ARHGAP24: variants seen among roughly 807,000 people sequenced by gnomAD.
The protein encoded by ARHGAP24 is rho GTPase-activating protein 24.
A neutral mutation model predicts 76.4 loss-of-function variants in ARHGAP24; 50 were observed. That is an observed-to-expected ratio of 0.65 (90% confidence interval 0.52 to 0.83). The LOEUF (loss-of-function observed/expected upper bound fraction) is 0.83, where lower values mean the gene tolerates loss of function less well. ARHGAP24 is among the 40% of genes least tolerant of loss of function. The pLI is 0.00. For synonymous variants in ARHGAP24, 345 were observed against 323.3 expected, an observed-to-expected ratio of 1.07 and a Z score of -0.72; for missense variants, 930 against 914.2, an observed-to-expected ratio of 1.02 and a Z score of -0.22.
At chr4:85,515,093 A>G (rs1001806599) in intron 1 of ARHGAP24, among the ~76,000 whole-genome samples, 1 of 152,152 alleles carries the variant, frequency 6.6e-6, no homozygotes, top group Non-Finnish European at 1.5e-5. Context: ...ATTCATCCTT[A>G]GGTGAATAAT....
intron 1 of ARHGAP24, among the ~76,000 whole-genome samples, chr4:85,504,202 G>A (rs943932272): frequency 2.6e-5 from 4 of 152,212 alleles, no homozygotes; most frequent in Non-Finnish European, 5.9e-5. Flanking sequence ...TGTTGATTTA[G>A]GGTGGAGAGT....
At chr4:85,691,647 T>C (rs1002603226) in intron 2 of ARHGAP24, among the ~76,000 whole-genome samples, 1 of 152,084 alleles carries the variant, frequency 6.6e-6, no homozygotes, top group Non-Finnish European at 1.5e-5. Context: ...TCATCTGATA[T>C]AAGAATAGTG....
chr4:85,552,534 C>T (rs1386341054), intron 1 of ARHGAP24, among the ~76,000 whole-genome samples: 2 of 152,192 alleles, frequency 1.3e-5, no homozygotes, highest in East Asian at 3.9e-4. Context: ...TTGTTAGGTC[C>T]ATTTGGTCAA....
At chr4:85,934,032 T>G (rs1240446816) in intron 4 of ARHGAP24, among the ~76,000 whole-genome samples, 1 of 152,198 alleles carries the variant, frequency 6.6e-6, no homozygotes, top group Non-Finnish European at 1.5e-5. Flanking sequence ...GCAACTTACT[T>G]TAACCTAAGT....
At position 85,748,108 on chromosome 4, in the gene ARHGAP24, C is replaced by G. The variant is rs372345777; in HGVS notation, c.268+26136C>G. ...CCCTGTAAGGCAGGCACTTGTCTTG[C>G]AAGTTTTTAAAAGAACCCTAACCTA... is the stretch of plus-strand genomic sequence containing the variant. On this transcript the variant is annotated intron_variant, in intron 3 of 9. Transcript: ENST00000395184. 3.0e-3 allele frequency among the ~76,000 whole-genome samples: 461 copies of G among 152,348 alleles called. 1 individual carries two copies. Among genetic ancestry groups the G allele is most frequent in the Non-Finnish European group, 4.8e-3 (328 of 68,024 alleles).
intron 3 of ARHGAP24, among the ~76,000 whole-genome samples, chr4:85,915,532 T>G (rs1735334569): frequency 6.6e-6 from 1 of 152,192 alleles, no homozygotes; most frequent in Non-Finnish European, 1.5e-5. Context: ...CAACCTGTCA[T>G]CTGCATTAGG....
rs372333621 is a variant in ARHGAP24, at chr4:85,683,179, CAAA to C, written c.181-38703_181-38701del. On this transcript the variant is annotated intron_variant, in intron 2 of 9. Coordinates refer to ENST00000395184, the MANE Select transcript of ARHGAP24 (RefSeq NM_001025616.3). The stretch of plus-strand genomic sequence containing the variant: ...GAGATTTAGTAAATATTGATAATAA[CAAA>C]AACATGGCAGTTCTTATAAATATGA... 1.2e-4 allele frequency among the ~76,000 whole-genome samples: 9 copies of C among 74,062 alleles called. No individual in the cohort carries two copies. In the Admixed American group the frequency reaches 1.5e-3, roughly 12 times the overall value. The allele number at this position is 74,062 out of a possible 152,430, so 48.6% of individuals were successfully genotyped here. A position where few individuals can be genotyped will look rare whatever the true frequency, so the allele number is the denominator to read the frequency against.
intron 3 of ARHGAP24, among the ~76,000 whole-genome samples, chr4:85,894,979 AAAAAAAAAACAAAACAAAAAGC>A (rs1560701614): frequency 6.7e-4 from 42 of 62,526 alleles, no homozygotes; most frequent in Middle Eastern, 0.018. Context: ...AAAAAAAAAA[AAAAAAAAAACAAAACAAAAAGC>A]AAAAAAAAAA....
chr4:85,621,451 A>G (rs1720716648), intron 2 of ARHGAP24, among the ~76,000 whole-genome samples: 1 of 152,094 alleles, frequency 6.6e-6, no homozygotes, highest in African/African-American at 2.4e-5. Flanking sequence ...ACTTTTTAAT[A>G]ACAGCCATTT....
intron 1 of ARHGAP24, among the ~76,000 whole-genome samples, chr4:85,523,194 T>C (rs902158670): frequency 6.6e-6 from 1 of 152,220 alleles, no homozygotes; most frequent in African/African-American, 2.4e-5. Context: ...TAAGGATGCT[T>C]ACTACATGTC....
At chr4:85,866,353 A>T (rs1732199017) in intron 3 of ARHGAP24, among the ~76,000 whole-genome samples, 1 of 152,170 alleles carries the variant, frequency 6.6e-6, no homozygotes, top group African/African-American at 2.4e-5. Flanking sequence ...ACTTACAAAA[A>T]AATGGAAAAA....
At chr4:85,690,106 T>G (rs1723573542) in intron 2 of ARHGAP24, among the ~76,000 whole-genome samples, 1 of 152,204 alleles carries the variant, frequency 6.6e-6, no homozygotes, top group South Asian at 2.1e-4. Flanking sequence ...CTATGTTTAT[T>G]TCGATGATCA....
chr4:85,869,376 A>AT, intron 3 of ARHGAP24, among the ~76,000 whole-genome samples: 1 of 152,144 alleles, frequency 6.6e-6, no homozygotes, highest in Non-Finnish European at 1.5e-5. Context: ...CTCCTATGCA[A>AT]TTTTTGTCAT....
chr4:85,787,232 G>C (rs2110091226), intron 3 of ARHGAP24, among the ~76,000 whole-genome samples: 1 of 152,192 alleles, frequency 6.6e-6, no homozygotes, highest in East Asian at 1.9e-4. Context: ...CTTCCCTTTT[G>C]GTAAAATATT....
At chr4:85,497,337 GTGAGC>G (rs1723621514) in intron 1 of ARHGAP24, among the ~76,000 whole-genome samples, 2 of 152,178 alleles carry the variant, frequency 1.3e-5, no homozygotes, top group African/African-American at 4.8e-5. Context: ...AACAACTTCT[GTGAGC>G]TTTAAATTCA....
chr4:85,781,889 T>G (rs1005031712), intron 3 of ARHGAP24, among the ~76,000 whole-genome samples: 5 of 151,640 alleles, frequency 3.3e-5, no homozygotes, highest in African/African-American at 1.2e-4. Context: ...ATAAAAAAAT[T>G]AGCCAGGCAC....
intron 3 of ARHGAP24, among the ~76,000 whole-genome samples, chr4:85,861,781 T>C (rs1731913621): frequency 6.6e-6 from 1 of 152,072 alleles, no homozygotes; most frequent in African/African-American, 2.4e-5. Context: ...ACTGAAGTAA[T>C]CTCCTGAAAG....
At chr4:85,664,796 G>T (rs536825417) in intron 2 of ARHGAP24, among the ~76,000 whole-genome samples, 41 of 152,088 alleles carry the variant, frequency 2.7e-4, no homozygotes, top group Admixed American at 2.7e-3. Flanking sequence ...GGAGCAGGTT[G>T]TTCAGTTTCC....
intron 3 of ARHGAP24, among the ~76,000 whole-genome samples, chr4:85,917,752 T>C (rs959427819): frequency 6.6e-6 from 1 of 152,188 alleles, no homozygotes; most frequent in African/African-American, 2.4e-5. Context: ...AGAAACTGTT[T>C]GTTTTTTAGT....
Sources: allele counts gnomAD v4.1 joint callset (sites outside exome capture counted in the v4.1 genomes callset), GRCh38; gene constraint gnomAD v4.1.1; transcripts MANE v1.5; gene names NCBI Gene and HGNC (gene_info 2026-07-23, HGNC 2026-07-21).